Variants in CEP63 observed in about 807,000 individuals in gnomAD.
The protein encoded by CEP63 is centrosomal protein 63.
A neutral mutation model predicts 89.1 loss-of-function variants in CEP63; 84 were observed. That is an observed-to-expected ratio of 0.94 (90% CI 0.79 to 1.13). CEP63 has a LOEUF of 1.13. Among genes scored for constraint, CEP63 ranks in the 50% most tolerant of loss-of-function variants. CEP63 has a pLI of 0.00. For synonymous variants in CEP63, 267 were observed against 272.5 expected (o/e 0.98, Z 0.20); for missense variants, 838 against 813.3 (o/e 1.03, Z -0.37).
At chr3:134,756,914 TA>T in the CEP63 span, among the ~76,000 whole-genome samples, 1 of 152,128 alleles carries the variant, frequency 6.6e-6, no homozygotes, top group Non-Finnish European at 1.5e-5. Context: ...GAGAAACTGC[TA>T]TATGGGCCCA....
At chr3:134,619,362 A>G in the CEP63 span, 8 of 865,680 alleles carry the variant, frequency 9.2e-6, no homozygotes, top group East Asian at 4.9e-5. Flanking sequence ...CACCAGCCCC[A>G]GGAAACTACA....
intron 1 of CEP63, among the ~76,000 whole-genome samples, chr3:134,489,806 AGG>A (rs1937001920): frequency 6.6e-6 from 1 of 152,222 alleles, no homozygotes; most frequent in Non-Finnish European, 1.5e-5. Context: ...CAGCCTCCAA[AGG>A]TAACCATGAG....
At chr3:134,694,764 A>G in the CEP63 span, among the ~76,000 whole-genome samples, 1 of 152,208 alleles carries the variant, frequency 6.6e-6, no homozygotes, top group Non-Finnish European at 1.5e-5. Context: ...CTGAGGCTCC[A>G]CAGGGTTCTG....
the CEP63 span, among the ~76,000 whole-genome samples, chr3:134,602,030 G>C: frequency 1.3e-5 from 2 of 152,184 alleles, no homozygotes; most frequent in Non-Finnish European, 2.9e-5. Flanking sequence ...GAGTGCCACG[G>C]AGGAAGCTAT....
At chr3:134,697,730 G>A in the CEP63 span, among the ~76,000 whole-genome samples, 141,133 of 152,318 alleles carry the variant, frequency 0.93, 65,716 homozygotes, top group East Asian at 1. Flanking sequence ...TGATTCCCAC[G>A]TTCGTGTCAA....
At chr3:134,675,672 A>G in the CEP63 span, among the ~76,000 whole-genome samples, 1 of 152,224 alleles carries the variant, frequency 6.6e-6, no homozygotes, top group East Asian at 1.9e-4. Flanking sequence ...TAAACAACTA[A>G]TACAACTCAA....
the CEP63 span, among the ~76,000 whole-genome samples, chr3:134,742,022 G>A: frequency 5.4e-4 from 82 of 150,990 alleles, no homozygotes; most frequent in African/African-American, 1.3e-3. Context: ...GTGCACTCTC[G>A]TTCCAAAGGG....
At chr3:134,530,308 T>C (rs1183140412) in intron 3 of CEP63, among the ~76,000 whole-genome samples, 1 of 152,224 alleles carries the variant, frequency 6.6e-6, no homozygotes, top group Non-Finnish European at 1.5e-5. Context: ...TTTTATAAGA[T>C]CTTTGCTAAT....
the CEP63 span, among the ~76,000 whole-genome samples, chr3:134,739,816 C>CA: frequency 2.0e-5 from 3 of 151,358 alleles, no homozygotes; most frequent in Admixed American, 2.0e-4. Context: ...GGAAGTCATA[C>CA]AAAAATTGTA....
At chr3:134,656,613 C>G in the CEP63 span, among the ~76,000 whole-genome samples, 1 of 152,284 alleles carries the variant, frequency 6.6e-6, no homozygotes, top group South Asian at 2.1e-4. Context: ...TAGGAAGAGA[C>G]AGTCAAGCAC....
chr3:134,587,898 A>G (rs967575374), downstream of CEP63, among the ~76,000 whole-genome samples: 1 of 152,140 alleles, frequency 6.6e-6, no homozygotes, highest in Admixed American at 6.5e-5. Context: ...CTAAGTAAAG[A>G]TGTAAGAGAT....
Position 134,495,233 on chromosome 3 carries a change from A to G in CEP63, c.-25-63A>G, listed in dbSNP as rs900702940. On this transcript the variant is annotated intron_variant, in intron 1 of 14. Transcript: ENST00000675561. The stretch of plus-strand genomic sequence containing the variant: ...GCTTTCATTCACATTCTTAAGTTGT[A>G]AGTTAGAATGTTAGAACTGAAGAAA... The G allele has an allele frequency of 4.4e-6, 5 of 1,144,726 alleles. No individual in the cohort carries two copies. The African/African-American group carries it at 7.6e-5, about 17-fold the overall frequency. The allele number at this position is 1,144,726 out of a possible 1,614,324, so 70.9% of individuals were successfully genotyped here.
the CEP63 span, among the ~76,000 whole-genome samples, chr3:134,685,536 A>G: frequency 6.6e-6 from 1 of 152,162 alleles, no homozygotes; most frequent in Non-Finnish European, 1.5e-5. Flanking sequence ...TTGCGGTTTC[A>G]TCTCTGTGTG....
At chr3:134,511,117 C>A in intron 3 of CEP63, 1 of 167,664 alleles carries the variant, frequency 6.0e-6, no homozygotes, top group South Asian at 1.3e-4. Context: ...TTGTTGGCAC[C>A]AGGCACACAG....
At chr3:134,499,244 C>T (rs1332004241) in intron 2 of CEP63, among the ~76,000 whole-genome samples, 3 of 152,130 alleles carry the variant, frequency 2.0e-5, no homozygotes, top group African/African-American at 7.2e-5. Flanking sequence ...TTTTCTAATT[C>T]TTCCGAGTTC....
intron 3 of CEP63, among the ~76,000 whole-genome samples, chr3:134,521,139 A>G (rs1416593319): frequency 6.6e-6 from 1 of 152,186 alleles, no homozygotes; most frequent in Non-Finnish European, 1.5e-5. Context: ...ACAAAGGAAG[A>G]TATCAAAATG....
At chr3:134,538,533 G>GTATGTATATA (rs1951280260) in intron 6 of CEP63, among the ~76,000 whole-genome samples, 1 of 101,372 alleles carries the variant, frequency 9.9e-6, no homozygotes, top group Admixed American at 1.3e-4. Flanking sequence ...GTGTGTGTGT[G>GTATGTATATA]TATATATATA....
the CEP63 span, chr3:134,620,719 T>C: frequency 6.6e-7 from 1 of 1,525,100 alleles, no homozygotes; most frequent in Non-Finnish European, 9.1e-7. Flanking sequence ...CAAGGGATTC[T>C]AGAGCCAGAA....
the CEP63 span, among the ~76,000 whole-genome samples, chr3:134,632,559 G>T: frequency 6.6e-6 from 1 of 151,928 alleles, no homozygotes; most frequent in Non-Finnish European, 1.5e-5. Context: ...TGAACTCATT[G>T]AAAATGAAAA....
Sources: gnomAD v4.1 joint callset for allele counts (sites outside exome capture counted in the v4.1 genomes callset) on GRCh38, gnomAD v4.1.1 for gene constraint, MANE v1.5 for transcripts, NCBI Gene and HGNC (gene_info 2026-07-23, HGNC 2026-07-21) for gene names.